DCUN1D2: variants seen among roughly 807,000 people sequenced by gnomAD.
The protein encoded by DCUN1D2 is defective in cullin neddylation 1 domain containing 2.
DCUN1D2 carries 29 observed loss-of-function variants against 30.9 expected under a neutral mutation model. The ratio of observed to expected loss-of-function variants is 0.94; its 90% confidence interval spans 0.70 to 1.28. The LOEUF (loss-of-function observed/expected upper bound fraction) is 1.28. DCUN1D2 is among the 50% of genes most tolerant of loss of function. The pLI, the probability that DCUN1D2 is intolerant of heterozygous loss-of-function variation, is 0.00. For missense variants in DCUN1D2, 325 were observed against 316.9 expected, an observed-to-expected ratio of 1.03 and a Z score of -0.19; for synonymous variants, 121 against 115.3, an observed-to-expected ratio of 1.05 and a Z score of -0.32.
chr13:113,457,705 C>T lies in DCUN1D2; in HGVS notation c.*324G>A. 1 of 207,946 alleles carries T rather than the reference C, an allele frequency of 4.8e-6. No homozygotes were observed. 12.9% of individuals were successfully genotyped at this position (207,946 alleles called of 1,614,324 possible). On this transcript the variant is annotated 3_prime_UTR_variant, in exon 7 of 7. Transcript: ENST00000478244. Reference sequence around the variant, plus strand: ...TGGTTCGCCTGACGCGCGAGCTACGCAGCATGCTCTGCGGTCCCACAGGCG... The same window carrying T: ...TGGTTCGCCTGACGCGCGAGCTACGTAGCATGCTCTGCGGTCCCACAGGCG...
intron 5 of DCUN1D2, 39 bp downstream of exon 5, chr13:113,461,015 C>T: frequency 1.4e-6 from 2 of 1,392,744 alleles, no homozygotes; most frequent in African/African-American, 2.9e-5. Context: ...CGACTTCCCT[C>T]CACAGTGGGC....
intron 2 of DCUN1D2, 105 bp from the exon 3 acceptor site, chr13:113,480,848 A>G (rs1308003180): frequency 1.6e-6 from 2 of 1,222,182 alleles, no homozygotes; most frequent in African/African-American, 1.5e-5. Flanking sequence ...AGTTCTAGCA[A>G]GCGTGTTTCC....
At chr13:113,458,161 A>G (rs955479940) in intron 6 of DCUN1D2, 53 bp from the exon 7 acceptor site, 19 of 1,441,066 alleles carry the variant, frequency 1.3e-5, no homozygotes, top group Non-Finnish European at 1.9e-5. Flanking sequence ...TTTTATCTCC[A>G]AAGCACTGAG....
chr13:113,476,886 T>C (rs1026355702), intron 3 of DCUN1D2, among the ~76,000 whole-genome samples: 3 of 152,212 alleles, frequency 2.0e-5, no homozygotes, highest in Non-Finnish European at 4.4e-5. Context: ...ATTCTCCCAG[T>C]ATCATTTATT....
intron 4 of DCUN1D2, among the ~76,000 whole-genome samples, chr13:113,468,603 G>A (rs932662289): frequency 2.0e-5 from 3 of 151,978 alleles, no homozygotes; most frequent in South Asian, 4.1e-4. Context: ...GACGTGCCAC[G>A]CTCCATCAAC....
chr13:113,463,529 T>TA (rs978658911), intron 4 of DCUN1D2, among the ~76,000 whole-genome samples: 2,710 of 139,682 alleles, frequency 0.019, 33 homozygotes, highest in Middle Eastern at 0.069. Flanking sequence ...CTCACCTCTT[T>TA]AAAAAAAAAA....
intron 4 of DCUN1D2, among the ~76,000 whole-genome samples, chr13:113,469,772 G>C (rs999577096): frequency 1.3e-5 from 2 of 149,076 alleles, no homozygotes; most frequent in East Asian, 1.9e-4. Context: ...CCAAGAATTC[G>C]AGGCTGCAGT....
At chr13:113,480,807 G>A (rs990222568) in intron 2 of DCUN1D2, 64 bp from the exon 3 acceptor site, 33 of 1,552,330 alleles carry the variant, frequency 2.1e-5, no homozygotes, top group Admixed American at 3.5e-5. Flanking sequence ...AAAATAGGAG[G>A]TTTGAATCCT....
At chr13:113,478,458 T>C (rs2044654511) in intron 3 of DCUN1D2, among the ~76,000 whole-genome samples, 1 of 152,164 alleles carries the variant, frequency 6.6e-6, no homozygotes, top group Non-Finnish European at 1.5e-5. Context: ...TATTGATCCT[T>C]CCTAATGACA....
At chr13:113,489,891 G>A (rs933780013) in intron 1 of DCUN1D2, among the ~76,000 whole-genome samples, 2 of 152,010 alleles carry the variant, frequency 1.3e-5, no homozygotes, top group Non-Finnish European at 2.9e-5. Context: ...TCCCAACTGT[G>A]GTCAAACAAT....
At chr13:113,476,637 A>G (rs2044622275) in intron 3 of DCUN1D2, among the ~76,000 whole-genome samples, 1 of 152,168 alleles carries the variant, frequency 6.6e-6, no homozygotes, top group Non-Finnish European at 1.5e-5. Context: ...CTTAACCAGA[A>G]GTTCTTATTT....
In DCUN1D2 at chr13:113,483,839, C is replaced by A; in HGVS notation, c.220+1G>T. On this transcript the variant is annotated splice_donor_variant, in intron 2 of 6. Transcript: ENST00000478244. LOFTEE classifies it high-confidence loss of function. Reference sequence around the variant, plus strand: ...CCGGCTTTGCTGCAGTCTCCTCTTACCTTTGTACCTGCCGTACAGCCGCTC... The same window carrying A: ...CCGGCTTTGCTGCAGTCTCCTCTTAACTTTGTACCTGCCGTACAGCCGCTC... The A allele has an allele frequency of 3.7e-6, 6 of 1,612,108 alleles. No individual in the cohort carries two copies. The highest frequency in any genetic ancestry group is 5.1e-6 in the Non-Finnish European group (6 of 1,179,994).
intron 4 of DCUN1D2, among the ~76,000 whole-genome samples, chr13:113,463,647 C>T (rs1001495662): frequency 6.6e-6 from 1 of 152,110 alleles, no homozygotes; most frequent in Non-Finnish European, 1.5e-5. Context: ...TAACTTTATC[C>T]TCTCTATTAG....
chr13:113,456,354 G>A lies in DCUN1D2; in HGVS notation c.*1675C>T. On this transcript the variant is annotated 3_prime_UTR_variant, in exon 7 of 7. Transcript: ENST00000478244. Reference sequence around the variant, plus strand: ...CCATCTCTGCTAAGAAACATCGACAGTTCGTCCTGCAGCCTCCAAGCACAC... The same window carrying A: ...CCATCTCTGCTAAGAAACATCGACAATTCGTCCTGCAGCCTCCAAGCACAC... 5.0e-6 allele frequency: 2 copies of A among 398,768 alleles called. No homozygotes were observed. The highest frequency in any genetic ancestry group is 8.8e-6 in the Non-Finnish European group (2 of 226,180). The allele number at this position is 398,768 out of a possible 1,614,324, so 24.7% of individuals were successfully genotyped here.
chr13:113,458,197 T>C (rs1456404163), intron 6 of DCUN1D2, 89 bp from the exon 7 acceptor site: 1 of 1,093,040 alleles, frequency 9.1e-7, no homozygotes, highest in Non-Finnish European at 1.4e-6. Context: ...ACATTTACAC[T>C]TCAAGAACCC....
chr13:113,485,436 C>T (rs1435554010), intron 1 of DCUN1D2, among the ~76,000 whole-genome samples: 1 of 152,156 alleles, frequency 6.6e-6, no homozygotes, highest in Non-Finnish European at 1.5e-5. Context: ...TCCAAGCTTC[C>T]CCAGTGCCAC....
At chr13:113,484,151 G>T in intron 1 of DCUN1D2, 95 bp from the exon 2 acceptor site, 1 of 1,557,648 alleles carries the variant, frequency 6.4e-7, no homozygotes, top group East Asian at 2.3e-5. Context: ...GGCAGAATTA[G>T]AGACAAAGCC....
intron 6 of DCUN1D2, among the ~76,000 whole-genome samples, chr13:113,458,884 C>T (rs2044271621): frequency 6.6e-6 from 1 of 152,184 alleles, no homozygotes; most frequent in Admixed American, 6.5e-5. Flanking sequence ...TCCAAAGGCC[C>T]TCCAACGCAG....
intron 4 of DCUN1D2, among the ~76,000 whole-genome samples, chr13:113,464,687 C>A (rs1003843242): frequency 1.3e-5 from 2 of 152,246 alleles, no homozygotes; most frequent in Non-Finnish European, 2.9e-5. Flanking sequence ...CCACGTGGGG[C>A]AGCTGGAGGC....
Sources: allele counts gnomAD v4.1 joint callset (sites outside exome capture counted in the v4.1 genomes callset), GRCh38; gene constraint gnomAD v4.1.1; transcripts MANE v1.5; gene names NCBI Gene and HGNC (gene_info 2026-07-23, HGNC 2026-07-21).